The following FGD4 variants were observed in gnomAD, a reference collection of about 807,000 sequenced individuals.
FGD4 encodes FYVE, RhoGEF and PH domain containing 4.
FGD4 carries 42 observed loss-of-function variants against 102.0 expected under a neutral mutation model. That is an observed-to-expected ratio of 0.41 (90% CI 0.32 to 0.53). FGD4 has a LOEUF of 0.53. FGD4 is among the 20% of genes least tolerant of loss of function. FGD4 has a pLI of 0.21. For synonymous variants in FGD4, 380 were observed against 375.7 expected, an observed-to-expected ratio of 1.01 and a Z score of -0.13; for missense variants, 902 against 1,078.2, an observed-to-expected ratio of 0.84 and a Z score of 2.29.
chr12:32,512,867 C>A (rs1040363916), intron 1 of FGD4, among the ~76,000 whole-genome samples: 1 of 152,034 alleles, frequency 6.6e-6, no homozygotes. Flanking sequence ...TGTTTGTAAA[C>A]CTTGGCAGAA....
At chr12:32,421,464 G>C (rs1041917493) in intron 1 of FGD4, among the ~76,000 whole-genome samples, 8 of 152,168 alleles carry the variant, frequency 5.3e-5, no homozygotes, top group Non-Finnish European at 1.2e-4. Flanking sequence ...TCAAGAGCAT[G>C]CTGGTCTGTA....
chr12:32,618,831 T>C (rs1281688265), intron 10 of FGD4, among the ~76,000 whole-genome samples: 1 of 152,186 alleles, frequency 6.6e-6, no homozygotes, highest in East Asian at 1.9e-4. Context: ...CTGGGTATGG[T>C]GGTGTGTTTC....
In FGD4 at chr12:32,432,815, C is replaced by T. The variant is rs113096160; in HGVS notation, c.166+32856C>T. Among the ~76,000 whole-genome samples the T allele has an allele frequency of 5.3e-5, 8 of 152,188 alleles. 1 individual carries two copies. The highest frequency in any genetic ancestry group is 1.9e-4 in the African/African-American group (8 of 41,526). On this transcript the variant is annotated intron_variant, in intron 1 of 16. Transcript: ENST00000534526. ...CCAACACCTAGAAGAGTTCCTGGCTCATATTATTTGTTAAATTAATTGAAT... is the reference window on the plus strand; with the variant it reads ...CCAACACCTAGAAGAGTTCCTGGCTTATATTATTTGTTAAATTAATTGAAT...
At chr12:32,602,465 A>G (rs1455014480) in intron 7 of FGD4, 148 bp downstream of exon 7, 7 of 866,618 alleles carry the variant, frequency 8.1e-6, no homozygotes, top group African/African-American at 5.0e-5. Context: ...CATCTCTGCA[A>G]TGCTGAAATA....
At chr12:32,443,922 A>T (rs1470553038) in intron 1 of FGD4, among the ~76,000 whole-genome samples, 1 of 152,118 alleles carries the variant, frequency 6.6e-6, no homozygotes, top group East Asian at 1.9e-4. Flanking sequence ...ATTTTTAAAA[A>T]ATCGACAGAT....
chr12:32,550,670 C>CAAAAAAA (rs71447606), intron 1 of FGD4, among the ~76,000 whole-genome samples: 31 of 88,848 alleles, frequency 3.5e-4, no homozygotes, highest in African/African-American at 5.6e-4. Flanking sequence ...GACACTGTCT[C>CAAAAAAA]AAAAAAAAAA....
At chr12:32,419,927 A>C in intron 1 of FGD4, among the ~76,000 whole-genome samples, 1 of 152,308 alleles carries the variant, frequency 6.6e-6, no homozygotes, top group East Asian at 1.9e-4. Context: ...ACGTGTGGCC[A>C]CTGCTGGGAG....
At chr12:32,525,099 A>G (rs1224023352) in intron 1 of FGD4, among the ~76,000 whole-genome samples, 4 of 152,248 alleles carry the variant, frequency 2.6e-5, no homozygotes, top group Non-Finnish European at 2.9e-5. Flanking sequence ...TCTACTCCCT[A>G]TGCCTCCCCA....
At position 32,619,828 on chromosome 12, in the gene FGD4, T is replaced by A. The variant is rs774278022; in HGVS notation, c.1880T>A (p.Phe627Tyr). The change falls in exon 11 of 17, where the codon TTC becomes TAC. Residue 627 changes from phenylalanine (F) to tyrosine (Y), a missense_variant. Coordinates refer to ENST00000534526, the MANE Select transcript of FGD4 (RefSeq NM_001370298.3). The part of the protein sequence containing the change: ...ETQNEEYPHT[F>Y]QVSGKERTLE... Reference sequence around the variant, plus strand: ...CAAAATGAAGAATATCCACATACTTTCCAGGTGTCTGGGAAAGAGAGAACA... The same window carrying A: ...CAAAATGAAGAATATCCACATACTTACCAGGTGTCTGGGAAAGAGAGAACA... 6 of 1,613,958 alleles carry A rather than the reference T, an allele frequency of 3.7e-6. No individual in the cohort carries two copies. The African/African-American group carries it at 4.0e-5, about 11-fold the overall frequency.
chr12:32,599,094 A>T (rs1157666168), intron 5 of FGD4, among the ~76,000 whole-genome samples: 1 of 152,200 alleles, frequency 6.6e-6, no homozygotes, highest in Non-Finnish European at 1.5e-5. Context: ...TGCCCAGCTG[A>T]TATTTGTTTA....
intron 1 of FGD4, among the ~76,000 whole-genome samples, chr12:32,534,098 G>A (rs921170860): frequency 6.6e-6 from 1 of 152,194 alleles, no homozygotes; most frequent in African/African-American, 2.4e-5. Context: ...AATAGTTAAG[G>A]CATTAGTCCA....
chr12:32,514,307 T>G (rs1939673446), intron 1 of FGD4, among the ~76,000 whole-genome samples: 2 of 152,244 alleles, frequency 1.3e-5, no homozygotes, highest in South Asian at 4.1e-4. Flanking sequence ...TGGTTTTCTT[T>G]TTTTGAAATG....
At chr12:32,601,836 G>A (rs1402030267) in intron 6 of FGD4, among the ~76,000 whole-genome samples, 1 of 152,226 alleles carries the variant, frequency 6.6e-6, no homozygotes, top group African/African-American at 2.4e-5. Flanking sequence ...GCCGGGCGTG[G>A]TGGCTCATGC....
intron 5 of FGD4, among the ~76,000 whole-genome samples, 171 bp downstream of exon 5, chr12:32,598,757 G>A (rs190675102): frequency 1.8e-4 from 27 of 152,280 alleles, no homozygotes; most frequent in Non-Finnish European, 3.5e-4. Flanking sequence ...GAATTCACTA[G>A]GTATAAGCAT....
At chr12:32,517,834 C>T (rs1017437155) in intron 1 of FGD4, among the ~76,000 whole-genome samples, 4 of 151,944 alleles carry the variant, frequency 2.6e-5, no homozygotes, top group Non-Finnish European at 4.4e-5. Flanking sequence ...TGCAGTGAGC[C>T]GAGACCATGC....
chr12:32,436,582 G>A (rs1207389388), intron 1 of FGD4, among the ~76,000 whole-genome samples: 1 of 152,174 alleles, frequency 6.6e-6, no homozygotes, highest in Admixed American at 6.5e-5. Flanking sequence ...ACGCCTGGTT[G>A]TGCTTCTCCC....
chr12:32,494,236 A>G (rs7303014), intron 1 of FGD4, among the ~76,000 whole-genome samples: 77,407 of 151,958 alleles, frequency 0.51, 21,200 homozygotes, highest in Non-Finnish European at 0.61. Context: ...TTATTTTTGT[A>G]GAGATGAGAT....
intron 15 of FGD4, among the ~76,000 whole-genome samples, chr12:32,634,029 C>T (rs1183433730): frequency 1.3e-5 from 2 of 152,166 alleles, no homozygotes; most frequent in Non-Finnish European, 2.9e-5. Flanking sequence ...ATGAGGAATA[C>T]AAATAATATA....
rs571539603 is a variant in FGD4 at position 32,537,070 on chromosome 12, G to A, written c.167-27067G>A. ...ACTACAGGCACCCGCCACCATGCCC[G>A]GCTAATTTTTTGCATTTTTAGTAGA... On this transcript the variant is annotated intron_variant, in intron 1 of 16. Transcript: ENST00000534526. 2.0e-4 allele frequency among the ~76,000 whole-genome samples: 30 copies of A among 151,982 alleles called. No individual in the cohort carries two copies. In the South Asian group the frequency reaches 2.3e-3, roughly 12 times the overall value.
Sources: gnomAD v4.1 joint callset for allele counts (sites outside exome capture counted in the v4.1 genomes callset) on GRCh38, gnomAD v4.1.1 for gene constraint, MANE v1.5 for transcripts, NCBI Gene and HGNC (gene_info 2026-07-23, HGNC 2026-07-21) for gene names.